Variants in SHISA9 observed in about 807,000 individuals in gnomAD.
SHISA9 encodes protein shisa-9.
Under a neutral mutation model 38.0 loss-of-function variants are expected in SHISA9, and 13 were observed. The ratio of observed to expected loss-of-function variants is 0.34; its 90% CI spans 0.22 to 0.54. SHISA9 has a LOEUF of 0.54. Ranked by LOEUF, SHISA9 falls within the 20% of genes least tolerant of loss-of-function variation. The pLI is 0.91. For synonymous variants in SHISA9, 275 were observed against 242.0 expected (o/e 1.14, Z -1.27); for missense variants, 538 against 575.8 (o/e 0.93, Z 0.67).
intron 2 of SHISA9, among the ~76,000 whole-genome samples, chr16:12,935,638 A>T (rs895299994): frequency 3.3e-5 from 5 of 152,024 alleles, no homozygotes; most frequent in Middle Eastern, 3.2e-3. Flanking sequence ...ACTTGAGCTC[A>T]GGGGTTCAAG....
At chr16:12,981,313 G>A (rs1289400698) in intron 2 of SHISA9, among the ~76,000 whole-genome samples, 1 of 152,244 alleles carries the variant, frequency 6.6e-6, no homozygotes, top group Non-Finnish European at 1.5e-5. Flanking sequence ...AGCATTTGGA[G>A]CAGAGTTCTC....
the SHISA9 span, among the ~76,000 whole-genome samples, chr16:13,534,489 T>G: frequency 1.3e-5 from 2 of 152,314 alleles, no homozygotes; most frequent in South Asian, 4.1e-4. Flanking sequence ...CCTCCCAAAG[T>G]GCTGGGATTA....
chr16:12,983,831 C>T (rs576184484), intron 2 of SHISA9, among the ~76,000 whole-genome samples: 16 of 152,244 alleles, frequency 1.1e-4, no homozygotes, highest in African/African-American at 3.4e-4. Flanking sequence ...CTTTTGAGCT[C>T]TGTCTTCTAC....
chr16:13,017,025 C>CT lies in SHISA9; in HGVS notation c.691+100222dup, dbSNP rs34082945. 8.0e-3 allele frequency among the ~76,000 whole-genome samples: 1,160 copies of CT among 144,796 alleles called. 5 individuals carry two copies. The highest frequency in any genetic ancestry group is 0.042 in the East Asian group (208 of 4,976). 95.0% of individuals were successfully genotyped at this position (144,796 alleles called of 152,430 possible). ...CTTCTTTTTTGTTTCTTTTTTCTTTCTTTTTTTTTTTTGAGACGGAGTCTT... is the reference window on the plus strand; with the variant it reads ...CTTCTTTTTTGTTTCTTTTTTCTTTCTTTTTTTTTTTTTGAGACGGAGTCTT... On this transcript the variant is annotated intron_variant, in intron 2 of 4. Transcript: ENST00000558583.
intron 2 of SHISA9, among the ~76,000 whole-genome samples, chr16:13,126,147 C>T (rs892037520): frequency 3.9e-5 from 6 of 152,112 alleles, no homozygotes; most frequent in Non-Finnish European, 7.4e-5. Flanking sequence ...CACAAAGATT[C>T]GGCAGCCCCA....
chr16:13,439,245 T>C, the SHISA9 span, among the ~76,000 whole-genome samples: 1 of 152,172 alleles, frequency 6.6e-6, no homozygotes, highest in East Asian at 1.9e-4. Flanking sequence ...TGGGGAGATG[T>C]TGATCAAAGG....
chr16:13,227,369 T>C (rs1332603634), intron 4 of SHISA9, among the ~76,000 whole-genome samples: 3 of 152,206 alleles, frequency 2.0e-5, no homozygotes, highest in Admixed American at 6.5e-5. Context: ...TTGTTAGATA[T>C]AGCTGGAAGG....
At chr16:12,921,439 C>G (rs1301927469) in intron 2 of SHISA9, among the ~76,000 whole-genome samples, 3 of 152,156 alleles carry the variant, frequency 2.0e-5, no homozygotes, top group Non-Finnish European at 4.4e-5. Flanking sequence ...ATGTCCTACA[C>G]TTAACTTTTG....
intron 2 of SHISA9, among the ~76,000 whole-genome samples, chr16:13,047,435 G>T (rs1376391473): frequency 6.6e-6 from 1 of 152,132 alleles, no homozygotes; most frequent in Non-Finnish European, 1.5e-5. Context: ...TGGCAGATTT[G>T]CAGTTTTTAC....
chr16:13,115,509 G>A (rs1258867917), intron 2 of SHISA9, among the ~76,000 whole-genome samples: 6 of 152,236 alleles, frequency 3.9e-5, no homozygotes, highest in African/African-American at 9.6e-5. Context: ...GCCTTTAAGC[G>A]GTTTTCTGCC....
chr16:13,453,632 C>T, the SHISA9 span, among the ~76,000 whole-genome samples: 1 of 152,196 alleles, frequency 6.6e-6, no homozygotes, highest in African/African-American at 2.4e-5. Flanking sequence ...GATGCAGGAA[C>T]GAGCCCACCC....
At chr16:12,991,632 G>C (rs1019959664) in intron 2 of SHISA9, among the ~76,000 whole-genome samples, 1 of 152,270 alleles carries the variant, frequency 6.6e-6, no homozygotes, top group African/African-American at 2.4e-5. Flanking sequence ...CTCAATTAAC[G>C]TCACTCTGTT....
At chr16:13,099,034 T>TG (rs1163833259) in intron 2 of SHISA9, among the ~76,000 whole-genome samples, 1 of 152,276 alleles carries the variant, frequency 6.6e-6, no homozygotes, top group Non-Finnish European at 1.5e-5. Flanking sequence ...TAAATGCCTG[T>TG]GGGGCACTGT....
At chr16:13,149,345 C>A (rs2050476726) in intron 2 of SHISA9, among the ~76,000 whole-genome samples, 1 of 152,114 alleles carries the variant, frequency 6.6e-6, no homozygotes, top group Non-Finnish European at 1.5e-5. Context: ...GGTGGAGAGG[C>A]TATCGTTCAA....
At chr16:13,194,291 G>C (rs777828461) in intron 2 of SHISA9, among the ~76,000 whole-genome samples, 1 of 152,136 alleles carries the variant, frequency 6.6e-6, no homozygotes, top group Non-Finnish European at 1.5e-5. Flanking sequence ...TTGTATTACT[G>C]TCTGGCTGCC....
intron 2 of SHISA9, among the ~76,000 whole-genome samples, chr16:13,071,438 C>T (rs1240253470): frequency 6.6e-6 from 1 of 152,080 alleles, no homozygotes; most frequent in South Asian, 2.1e-4. Flanking sequence ...AGCTGAGGCT[C>T]AGAACATTGA....
At chr16:13,476,192 G>T in the SHISA9 span, among the ~76,000 whole-genome samples, 1 of 152,094 alleles carries the variant, frequency 6.6e-6, no homozygotes, top group Admixed American at 6.6e-5. Flanking sequence ...CCTCAGGAAA[G>T]GATCCCCACT....
the SHISA9 span, among the ~76,000 whole-genome samples, chr16:13,326,078 A>AG: frequency 6.6e-6 from 1 of 151,964 alleles, no homozygotes; most frequent in African/African-American, 2.4e-5. Context: ...TAAAAAAAAA[A>AG]AAAGAAAGAA....
the SHISA9 span, among the ~76,000 whole-genome samples, chr16:13,525,184 T>C: frequency 1.9e-4 from 29 of 152,218 alleles, no homozygotes; most frequent in Non-Finnish European, 4.0e-4. Context: ...GTGCTGATGA[T>C]GCTAGCCTGG....
Sources: gnomAD v4.1 joint callset for allele counts (sites outside exome capture counted in the v4.1 genomes callset) on GRCh38, gnomAD v4.1.1 for gene constraint, MANE v1.5 for transcripts, NCBI Gene and HGNC (gene_info 2026-07-23, HGNC 2026-07-21) for gene names.